Variants in TEX15 observed in about 807,000 individuals in gnomAD.
TEX15 encodes the protein testis-expressed protein 15.
In TEX15, 171 loss-of-function variants were observed where a neutral mutation model predicts 237.3. The ratio of observed to expected loss-of-function variants is 0.72; its 90% CI spans 0.64 to 0.82. The LOEUF (loss-of-function observed/expected upper bound fraction) is 0.82, where lower values mean the gene tolerates loss of function less well. TEX15 is among the 40% of genes least tolerant of loss of function. The pLI is 0.00. For synonymous variants in TEX15, 1,338 were observed against 1,269.8 expected, an observed-to-expected ratio of 1.05 and a Z score of -1.14; for missense variants, 3,750 against 3,646.5, an observed-to-expected ratio of 1.03 and a Z score of -0.73.
intron 2 of TEX15, among the ~76,000 whole-genome samples, chr8:30,894,340 G>C (rs976929672): frequency 6.6e-6 from 1 of 152,008 alleles, no homozygotes; most frequent in Non-Finnish European, 1.5e-5. Flanking sequence ...AAAAAAATCC[G>C]TATTTGATAA....
chr8:30,905,051 T>C (rs1809072312), intron 1 of TEX15, among the ~76,000 whole-genome samples: 1 of 152,184 alleles, frequency 6.6e-6, no homozygotes, highest in Admixed American at 6.6e-5. Context: ...CAACTAGCAA[T>C]TCATGTGCCT....
intron 2 of TEX15, among the ~76,000 whole-genome samples, chr8:30,893,950 C>A (rs898294713): frequency 3.3e-5 from 5 of 152,118 alleles, no homozygotes; most frequent in Admixed American, 6.6e-5. Context: ...CTTTATTCTT[C>A]ATGTTTCTTA....
Position 30,843,319 on chromosome 8 carries a change from C to T in TEX15, c.6848G>A (p.Arg2283Lys). 6.2e-7 allele frequency: 1 copy of T among 1,607,264 alleles called. No individual in the cohort carries two copies. Among genetic ancestry groups the T allele is most frequent in the Non-Finnish European group, 8.5e-7 (1 of 1,175,062 alleles). ...GTATTTTTTGCTGAAGGATTGTGTT[C>T]TCTCTTTCCAAACAAGATTTTTTGC... Reference protein sequence around the residue: ...DAAKNLVWKERTQSFSKKYSQ... With the variant: ...DAAKNLVWKEKTQSFSKKYSQ... Residue 2283 changes from arginine to lysine, a missense_variant, in exon 8 of 11, where the codon AGA becomes AAA. By Grantham distance (26) the Arg-to-Lys change is conservative. Coordinates refer to ENST00000643185, the MANE Select transcript of TEX15 (RefSeq NM_001350162.2).
intron 5 of TEX15, among the ~76,000 whole-genome samples, chr8:30,862,180 C>G (rs1441647715): frequency 6.6e-6 from 1 of 152,004 alleles, no homozygotes; most frequent in Non-Finnish European, 1.5e-5. Context: ...TAATTCTTAG[C>G]AAAGAATCAT....
chr8:30,900,768 A>G (rs1310595601), intron 1 of TEX15, among the ~76,000 whole-genome samples: 2 of 152,236 alleles, frequency 1.3e-5, no homozygotes, highest in Non-Finnish European at 2.9e-5. Flanking sequence ...TGGCTACAGG[A>G]CACTGAAATT....
In TEX15 at chr8:30,844,695, A is replaced by G. The variant is rs1353770050; in HGVS notation, c.5472T>C (p.Asn1824=). Residue 1824 remains asparagine, a synonymous_variant, in exon 8 of 11, where the codon AAT becomes AAC. Coordinates refer to ENST00000643185, the MANE Select transcript of TEX15 (RefSeq NM_001350162.2). The part of the protein sequence containing the change: ...SSDSSLLLKD[N]VKGSSSETCI... ...ATGTTTCTGAAGAGGAGCCTTTTAC[A>G]TTATCTTTTAAAAGCAGAGAACTAT... 2 of 1,613,190 alleles carry G rather than the reference A, an allele frequency of 1.2e-6. No homozygotes were observed. The highest frequency in any genetic ancestry group is 1.7e-6 in the Non-Finnish European group (2 of 1,179,576).
At chr8:30,881,610 C>CTTTTTTTTTTTTTTTTTTTTTTTT (rs1164594718) in intron 3 of TEX15, among the ~76,000 whole-genome samples, 3 of 109,460 alleles carry the variant, frequency 2.7e-5, no homozygotes, top group Middle Eastern at 4.1e-3. Context: ...TCCATCTTGA[C>CTTTTTTTTTTTTTTTTTTTTTTTT]TTTTTATTTT....
chr8:30,840,060 T>G lies in TEX15; in HGVS notation c.8164-96A>C. On this transcript the variant is annotated intron_variant, in intron 8 of 10. Transcript: ENST00000643185. The stretch of plus-strand genomic sequence containing the variant: ...AATATTAGATATTTTTAATTGCTTG[T>G]TCTGCCATCATCTAAAGTTAAACTA... The G allele has an allele frequency of 5.8e-6, 4 of 688,466 alleles. No individual in the cohort carries two copies. The South Asian group carries it at 1.5e-4, about 26-fold the overall frequency. The allele number at this position is 688,466 out of a possible 1,614,324, so 42.6% of individuals were successfully genotyped here.
At chr8:30,860,842 C>T (rs1378625955) in intron 5 of TEX15, among the ~76,000 whole-genome samples, 1 of 151,628 alleles carries the variant, frequency 6.6e-6, no homozygotes. Flanking sequence ...TGAGCCACCG[C>T]GCCCAGCCGA....
intron 4 of TEX15, among the ~76,000 whole-genome samples, chr8:30,869,443 T>C (rs899280921): frequency 6.6e-6 from 1 of 152,016 alleles, no homozygotes; most frequent in Non-Finnish European, 1.5e-5. Context: ...CTGAAATCAT[T>C]TGGAACCATT....
intron 1 of TEX15, among the ~76,000 whole-genome samples, chr8:30,902,591 C>T (rs1809029083): frequency 1.3e-5 from 2 of 152,032 alleles, no homozygotes; most frequent in Non-Finnish European, 1.5e-5. Flanking sequence ...TCCACATGGG[C>T]AATAAAATAT....
At chr8:30,868,616 G>A (rs1466342072) in intron 4 of TEX15, among the ~76,000 whole-genome samples, 4 of 151,998 alleles carry the variant, frequency 2.6e-5, no homozygotes, top group Admixed American at 6.6e-5. Flanking sequence ...AAGACTGACT[G>A]ATTAGATAAT....
At chr8:30,864,573 C>T (rs1808117896) in intron 5 of TEX15, among the ~76,000 whole-genome samples, 1 of 147,430 alleles carries the variant, frequency 6.8e-6, no homozygotes, top group Non-Finnish European at 1.5e-5. Flanking sequence ...AGCAAACTAT[C>T]CTTCAGAAAT....
intron 10 of TEX15, among the ~76,000 whole-genome samples, chr8:30,835,988 T>C (rs1048546794): frequency 6.6e-6 from 1 of 152,182 alleles, no homozygotes; most frequent in African/African-American, 2.4e-5. Context: ...ATCAAAATAA[T>C]GTATGTTTCA....
rs1807565130 is a variant in TEX15, at chr8:30,845,073, T to C, written c.5094A>G (p.Gly1698=). Residue 1698 remains glycine, a synonymous_variant, in exon 8 of 11, where the codon GGA becomes GGG. Transcript: ENST00000643185. ...GGTTTAATGGGCCCATAAGGAAGTTTCCTGTAATAATGTTTTGTTTGGGTC... is the reference window on the plus strand; with the variant it reads ...GGTTTAATGGGCCCATAAGGAAGTTCCCTGTAATAATGTTTTGTTTGGGTC... ...IERPKQNIIT[G]NFLMGPLNLT... 1 of 1,613,600 alleles carries C rather than the reference T, an allele frequency of 6.2e-7. No homozygotes were observed. The highest frequency in any genetic ancestry group is 8.5e-7 in the Non-Finnish European group (1 of 1,179,538).
chr8:30,852,100 CT>C (rs910989172), intron 7 of TEX15, among the ~76,000 whole-genome samples: 129 of 90,388 alleles, frequency 1.4e-3, no homozygotes, highest in East Asian at 4.9e-3. Flanking sequence ...TTAATTTAAT[CT>C]TTTTTTTTTT....
rs112707562 is a variant in TEX15 at position 30,867,394 on chromosome 8, A to G, written c.411T>C (p.Ser137=). The change falls in exon 5 of 11, where the codon AGT becomes AGC. Residue 137 remains serine (S), a synonymous_variant. Coordinates refer to ENST00000643185, the MANE Select transcript of TEX15 (RefSeq NM_001350162.2). ...GTATCTTCAATGTAGATGCTCTGGT[A>G]CTTATTCCATTCTGATATATCTGGG... ...DVAQIYQNGI[S]TRASTLKILG... is the part of the protein sequence containing the mutation. 3.8e-5 allele frequency: 59 copies of G among 1,533,270 alleles called. 3 individuals carry two copies. The African/African-American group carries it at 5.3e-4, about 14-fold the overall frequency. The allele number at this position is 1,533,270 out of a possible 1,614,324, so 95.0% of individuals were successfully genotyped here.
intron 2 of TEX15, among the ~76,000 whole-genome samples, chr8:30,890,274 T>C (rs1026224142): frequency 1.3e-5 from 2 of 151,958 alleles, no homozygotes; most frequent in Admixed American, 6.6e-5. Flanking sequence ...TTTAAGCGAA[T>C]ACATTTAGAT....
intron 1 of TEX15, among the ~76,000 whole-genome samples, chr8:30,910,781 G>A (rs16877506): frequency 0.24 from 36,501 of 151,598 alleles, 6,610 homozygotes; most frequent in African/African-American, 0.5. Context: ...AACATACATG[G>A]GTTTTGATGC....
Sources: allele counts gnomAD v4.1 joint callset (sites outside exome capture counted in the v4.1 genomes callset), GRCh38; gene constraint gnomAD v4.1.1; transcripts MANE v1.5; gene names NCBI Gene and HGNC (gene_info 2026-07-23, HGNC 2026-07-21).